Variants in RCAN3 observed in about 807,000 individuals in gnomAD.
The protein encoded by RCAN3 is calcipressin-3.
A neutral mutation model predicts 21.9 loss-of-function variants in RCAN3; 19 were observed. The ratio of observed to expected loss-of-function variants is 0.87; its 90% CI spans 0.61 to 1.27. The LOEUF (loss-of-function observed/expected upper bound fraction) is 1.27. Ranked by LOEUF, RCAN3 falls within the 50% of genes most tolerant of loss-of-function variation. The pLI, the probability that RCAN3 is intolerant of heterozygous loss-of-function variation, is 0.00. For missense variants in RCAN3, 240 were observed against 300.1 expected (o/e 0.80, Z 1.48); for synonymous variants, 114 against 112.3 (o/e 1.01, Z -0.09).
chr1:24,521,303 T>A (rs982272052), intron 2 of RCAN3, among the ~76,000 whole-genome samples: 18 of 152,078 alleles, frequency 1.2e-4, no homozygotes, highest in Admixed American at 9.8e-4. Flanking sequence ...AATAAAAAAT[T>A]AGAATGGATC....
Position 24,530,356 on chromosome 1 carries a change from C to CAAAAAAAAAAAAAAAAAA in RCAN3, c.196-856_196-839dup, listed in dbSNP as rs56914359. On this transcript the variant is annotated intron_variant, in intron 2 of 4. Coordinates refer to ENST00000374395, the MANE Select transcript of RCAN3 (RefSeq NM_013441.4). ...GGCAACAGAGTGAGACTCTTATCTC[C>CAAAAAAAAAAAAAAAAAA]AAAAAAAAAAAAAAAAAAAAAAAGA... Among the ~76,000 whole-genome samples, 36 of 81,492 alleles carry CAAAAAAAAAAAAAAAAAA rather than the reference C, an allele frequency of 4.4e-4. 2 individuals are homozygous for CAAAAAAAAAAAAAAAAAA. Among genetic ancestry groups the CAAAAAAAAAAAAAAAAAA allele is most frequent in the African/African-American group, 1.2e-3 (25 of 20,302 alleles). The allele number at this position is 81,492 out of a possible 152,430, so 53.5% of individuals were successfully genotyped here. A position where few individuals can be genotyped will look rare whatever the true frequency, so the allele number is the denominator to read the frequency against.
chr1:24,517,060 C>T lies in RCAN3; in HGVS notation c.195+2493C>T, dbSNP rs374160265. On this transcript the variant is annotated intron_variant, in intron 2 of 4. Coordinates refer to ENST00000374395, the MANE Select transcript of RCAN3 (RefSeq NM_013441.4). ...TATATGTAGGAATTCTCTCAAGAAACGTCACAATCTTTTCTATTTTTTTGT... is the reference window on the plus strand; with the variant it reads ...TATATGTAGGAATTCTCTCAAGAAATGTCACAATCTTTTCTATTTTTTTGT... Among the ~76,000 whole-genome samples the T allele has an allele frequency of 5.3e-5, 8 of 151,306 alleles. No homozygotes were observed. The East Asian group carries it at 1.4e-3, about 26-fold the overall frequency.
At chr1:24,504,052 A>T (rs764626627) in intron 1 of RCAN3, among the ~76,000 whole-genome samples, 13 of 152,198 alleles carry the variant, frequency 8.5e-5, no homozygotes, top group Non-Finnish European at 1.6e-4. Context: ...TTTGGTGGGG[A>T]TTTAAATTGA....
rs535334211 is a variant in RCAN3, at chr1:24,535,265, T to C, written c.714T>C (p.Asp238=). 2 of 1,544,668 alleles carry C rather than the reference T, an allele frequency of 1.3e-6. No individual in the cohort carries two copies. Among genetic ancestry groups the C allele is most frequent in the East Asian group, 2.4e-5 (1 of 42,308 alleles). Reference sequence around the variant, plus strand: ...CGTTGAATGAGCCCCAGACCTTTGATTGCGCGCTGTGAGGCCCTTGGTTGT... The same window carrying C: ...CGTTGAATGAGCCCCAGACCTTTGACTGCGCGCTGTGAGGCCCTTGGTTGT... ...TAALNEPQTF[D]CAL Residue 238 remains aspartate, a synonymous_variant, in exon 5 of 5, where the codon GAT becomes GAC. Coordinates refer to ENST00000374395, the MANE Select transcript of RCAN3 (RefSeq NM_013441.4).
At chr1:24,516,825 G>C (rs1041647261) in intron 2 of RCAN3, among the ~76,000 whole-genome samples, 1 of 152,206 alleles carries the variant, frequency 6.6e-6, no homozygotes, top group Admixed American at 6.5e-5. Flanking sequence ...GAGCAGGGAA[G>C]GGGGCTGCAC....
At chr1:24,518,355 G>A (rs1269309636) in intron 2 of RCAN3, among the ~76,000 whole-genome samples, 2 of 152,112 alleles carry the variant, frequency 1.3e-5, no homozygotes, top group African/African-American at 4.8e-5. Flanking sequence ...AATAGTGTTG[G>A]AGGGATAATA....
At chr1:24,508,339 T>G (rs1252555207) in intron 1 of RCAN3, among the ~76,000 whole-genome samples, 1 of 152,204 alleles carries the variant, frequency 6.6e-6, no homozygotes, top group Non-Finnish European at 1.5e-5. Flanking sequence ...CTCCCAACTT[T>G]GGTGACATTC....
rs1284309998 is a variant in RCAN3, at chr1:24,537,676, T to G, written c.*2399T>G. Reference sequence around the variant, plus strand: ...ACTTTGGGAGGCCAAGGTGGGTGGATCCACCTGAGGTCAGGAGTTCAAGAC... The same window carrying G: ...ACTTTGGGAGGCCAAGGTGGGTGGAGCCACCTGAGGTCAGGAGTTCAAGAC... On this transcript the variant is annotated 3_prime_UTR_variant, in exon 5 of 5. Transcript: ENST00000374395. The G allele has an allele frequency of 3.3e-5, 5 of 152,210 alleles. No homozygotes were observed. The highest frequency in any genetic ancestry group is 1.2e-4 in the African/African-American group (5 of 41,510). The allele number at this position is 152,210 out of a possible 1,614,324, so 9.4% of individuals were successfully genotyped here. A position where few individuals can be genotyped will look rare whatever the true frequency, so the allele number is the denominator to read the frequency against.
chr1:24,535,155 GA>G lies in RCAN3; in HGVS notation c.607del (p.Ser203ValfsTer29). On this transcript the variant is annotated frameshift_variant, in exon 5 of 5. Coordinates refer to ENST00000374395, the MANE Select transcript of RCAN3 (RefSeq NM_013441.4). LOFTEE classifies it high-confidence loss of function. ...STPSVVVHVC[E>X]SETEEEEETK... ...ACCCAGCGTGGTGGTTCATGTCTGT[GA>G]AAGTGAAACTGAAGAGGAAGAAGAG... is the stretch of plus-strand genomic sequence containing the variant. The G allele has an allele frequency of 6.3e-7, 1 of 1,598,710 alleles. No individual in the cohort carries two copies. The highest frequency in any genetic ancestry group is 8.5e-7 in the Non-Finnish European group (1 of 1,174,732).
At position 24,530,356 on chromosome 1, in the gene RCAN3, C is replaced by CAAAAAAAAAAAAAA. The variant is rs56914359; in HGVS notation, c.196-852_196-839dup. Among the ~76,000 whole-genome samples the CAAAAAAAAAAAAAA allele has an allele frequency of 2.9e-3, 238 of 81,474 alleles. 8 individuals are homozygous for CAAAAAAAAAAAAAA. Among genetic ancestry groups the CAAAAAAAAAAAAAA allele is most frequent in the African/African-American group, 5.6e-3 (114 of 20,294 alleles). 53.5% of individuals were successfully genotyped at this position (81,474 alleles called of 152,430 possible). On this transcript the variant is annotated intron_variant, in intron 2 of 4. Coordinates refer to ENST00000374395, the MANE Select transcript of RCAN3 (RefSeq NM_013441.4). ...GGCAACAGAGTGAGACTCTTATCTC[C>CAAAAAAAAAAAAAA]AAAAAAAAAAAAAAAAAAAAAAAGA...
chr1:24,507,186 C>T (rs887645286), intron 1 of RCAN3, among the ~76,000 whole-genome samples: 2 of 152,172 alleles, frequency 1.3e-5, no homozygotes, highest in Non-Finnish European at 2.9e-5. Context: ...CTGTCTCATG[C>T]CACCCCCACC....
rs1237985574 is a variant in RCAN3 at position 24,535,484 on chromosome 1, G to A, written c.*207G>A. ...CCAGATTTTAAGTGATATTCCAAAA[G>A]GGACTTTACATTAAAGGAGAAGCCC... On this transcript the variant is annotated 3_prime_UTR_variant, in exon 5 of 5. Coordinates refer to ENST00000374395, the MANE Select transcript of RCAN3 (RefSeq NM_013441.4). 1 of 440,180 alleles carries A rather than the reference G, an allele frequency of 2.3e-6. No homozygotes were observed. The highest frequency in any genetic ancestry group is 3.8e-6 in the Non-Finnish European group (1 of 264,194). 27.3% of individuals were successfully genotyped at this position (440,180 alleles called of 1,614,324 possible).
At chr1:24,532,387 T>C (rs1017222378) in intron 3 of RCAN3, among the ~76,000 whole-genome samples, 6 of 151,784 alleles carry the variant, frequency 4.0e-5, no homozygotes, top group African/African-American at 9.7e-5. Flanking sequence ...CCACCACACC[T>C]AGCTAATTTT....
intron 1 of RCAN3, among the ~76,000 whole-genome samples, chr1:24,508,074 G>A (rs552893400): frequency 1.3e-5 from 2 of 152,146 alleles, no homozygotes; most frequent in African/African-American, 4.8e-5. Context: ...CCGAGACTGC[G>A]CCACTGCACC....
chr1:24,535,275 T>A lies in RCAN3; in HGVS notation c.724T>A (p.Ter242ArgextTer32). Residue 242 changes from the stop codon to arginine, a stop_lost, in exon 5 of 5, where the codon TGA (stop) becomes AGA (arginine). Coordinates refer to ENST00000374395, the MANE Select transcript of RCAN3 (RefSeq NM_013441.4). The part of the protein sequence containing the change: ...NEPQTFDCAL[*>R] Reference sequence around the variant, plus strand: ...GCCCCAGACCTTTGATTGCGCGCTGTGAGGCCCTTGGTTGTGGTGCGAGGC... The same window carrying A: ...GCCCCAGACCTTTGATTGCGCGCTGAGAGGCCCTTGGTTGTGGTGCGAGGC... The A allele has an allele frequency of 6.5e-7, 1 of 1,537,744 alleles. No homozygotes were observed. Among genetic ancestry groups the A allele is most frequent in the Non-Finnish European group, 8.7e-7 (1 of 1,149,476 alleles).
At chr1:24,504,610 T>C (rs146008936) in intron 1 of RCAN3, among the ~76,000 whole-genome samples, 1 of 152,308 alleles carries the variant, frequency 6.6e-6, no homozygotes, top group East Asian at 1.9e-4. Flanking sequence ...TTATATGGTG[T>C]TAGAGTTGTT....
In RCAN3 at chr1:24,537,893, C is replaced by G. The variant is rs1034233582; in HGVS notation, c.*2616C>G. On this transcript the variant is annotated 3_prime_UTR_variant, in exon 5 of 5. Coordinates refer to ENST00000374395, the MANE Select transcript of RCAN3 (RefSeq NM_013441.4). Reference sequence around the variant, plus strand: ...CAGCCTCGGCAACAAGAGCGAAACTCCGTCTCAAAAAAAAAAGATTTAACC... The same window carrying G: ...CAGCCTCGGCAACAAGAGCGAAACTGCGTCTCAAAAAAAAAAGATTTAACC... The G allele has an allele frequency of 6.8e-6, 1 of 147,816 alleles. No homozygotes were observed. The highest frequency in any genetic ancestry group is 2.7e-5 in the African/African-American group (1 of 37,388). The allele number at this position is 147,816 out of a possible 1,614,324, so 9.2% of individuals were successfully genotyped here. A position where few individuals can be genotyped will look rare whatever the true frequency, so the allele number is the denominator to read the frequency against.
intron 2 of RCAN3, among the ~76,000 whole-genome samples, chr1:24,517,615 C>A (rs1648447930): frequency 6.6e-6 from 1 of 152,112 alleles, no homozygotes; most frequent in Non-Finnish European, 1.5e-5. Flanking sequence ...GTATTTAATA[C>A]CCTTAACAGT....
chr1:24,531,251 G>T lies in RCAN3; in HGVS notation c.229G>T (p.Asp77Tyr). 6.2e-7 allele frequency: 1 copy of T among 1,606,646 alleles called. No homozygotes were observed. Among genetic ancestry groups the T allele is most frequent in the South Asian group, 1.1e-5 (1 of 90,088 alleles). Reference sequence around the variant, plus strand: ...TGAAGCACTCTTCACCATCTATGATGACCAGGTTACTTTTCAGCTGTTTAA... The same window carrying T: ...TGAAGCACTCTTCACCATCTATGATTACCAGGTTACTTTTCAGCTGTTTAA... ...RFEALFTIYD[D>Y]QVTFQLFKSF... The change falls in exon 3 of 5, where the codon GAC becomes TAC. Residue 77 changes from aspartate (D) to tyrosine (Y), a missense_variant. Coordinates refer to ENST00000374395, the MANE Select transcript of RCAN3 (RefSeq NM_013441.4).
Sources: gnomAD v4.1 joint callset for allele counts (sites outside exome capture counted in the v4.1 genomes callset) on GRCh38, gnomAD v4.1.1 for gene constraint, MANE v1.5 for transcripts, NCBI Gene and HGNC (gene_info 2026-07-23, HGNC 2026-07-21) for gene names.